Variants in MAX observed in about 807,000 individuals in gnomAD.
The protein encoded by MAX is protein max.
Under a neutral mutation model 22.3 loss-of-function variants are expected in MAX, and 3 were observed. That is an observed-to-expected ratio of 0.13 (90% CI 0.06 to 0.35). The LOEUF (loss-of-function observed/expected upper bound fraction) is 0.35, where lower values mean the gene tolerates loss of function less well. Among genes scored for constraint, MAX ranks in the 10% least tolerant of loss-of-function variants. The probability of loss-of-function intolerance (pLI) is 1.00; values close to 1 mark genes in which losing one functional copy is unlikely to be tolerated. For missense variants in MAX, 119 were observed against 209.4 expected, an observed-to-expected ratio of 0.57 and a Z score of 2.66; for synonymous variants, 72 against 77.7, an observed-to-expected ratio of 0.93 and a Z score of 0.39.
At chr14:65,015,779 G>T in intron 3 of MAX, 1 of 1,572,520 alleles carries the variant, frequency 6.4e-7, no homozygotes, top group Non-Finnish European at 8.7e-7. Flanking sequence ...TTGGGATTTT[G>T]TTTTGTTTCT....
At position 65,076,380 on chromosome 14, in the gene MAX, G is replaced by A. The variant is rs949792280; in HGVS notation, c.*96C>T. The A allele has an allele frequency of 2.5e-6, 4 of 1,581,496 alleles. No homozygotes were observed. The East Asian group carries it at 9.0e-5, about 36-fold the overall frequency. ...AAAGGGAGAAAGAGAAAAATAAAGAGTCTCTTAAATGGTTCTGAGGGCTCT... is the reference window on the plus strand; with the variant it reads ...AAAGGGAGAAAGAGAAAAATAAAGAATCTCTTAAATGGTTCTGAGGGCTCT... On this transcript the variant is annotated 3_prime_UTR_variant, in exon 5 of 5. Transcript: ENST00000358664. This position sits in a 1 kb window ranked among gnomAD's most constrained non-coding sequence, Gnocchi z 6.6.
chr14:65,059,857 A>C (rs1320197308), intron 3 of MAX, among the ~76,000 whole-genome samples: 6 of 133,516 alleles, frequency 4.5e-5, no homozygotes, highest in Non-Finnish European at 9.2e-5. Flanking sequence ...TTTTTTTGAG[A>C]CAGAGTCTCG....
intron 3 of MAX, among the ~76,000 whole-genome samples, chr14:65,086,885 C>T (rs1297797397): frequency 6.6e-6 from 1 of 152,214 alleles, no homozygotes; most frequent in Non-Finnish European, 1.5e-5. Flanking sequence ...CAGCTGTTCC[C>T]ATCACAGACC....
At chr14:65,018,809 T>TAAA (rs34066098) in intron 3 of MAX, among the ~76,000 whole-genome samples, 3 of 108,422 alleles carry the variant, frequency 2.8e-5, no homozygotes, top group Non-Finnish European at 5.5e-5. Flanking sequence ...GACTCTGTCT[T>TAAA]AAAAAAAAAA....
Position 65,044,211 on chromosome 14 carries a change from G to T in MAX, c.172-37927C>A. 1 of 1,585,204 alleles carries T rather than the reference G, an allele frequency of 6.3e-7. No individual in the cohort carries two copies. Among genetic ancestry groups the T allele is most frequent in the Non-Finnish European group, 8.6e-7 (1 of 1,167,964 alleles). ...CTAGAGTGCCAAGAAGCCACAAGAT[G>T]GGAAACCCTCCATCCCACAGATTGA... On this transcript the variant is annotated intron_variant, in intron 3 of 3. Transcript: ENST00000341653. The surrounding 1 kb of genome is among the most constrained non-coding windows in gnomAD (Gnocchi z 5.5).
Position 65,053,323 on chromosome 14 carries a change from G to T in MAX, c.171+40385C>A, listed in dbSNP as rs149471226. Reference sequence around the variant, plus strand: ...TCCTGATGTGCTGCCAGTGCCCTGCGGGGGGGCTTCTGGATAAACCTGGCA... The same window carrying T: ...TCCTGATGTGCTGCCAGTGCCCTGCTGGGGGGCTTCTGGATAAACCTGGCA... On this transcript the variant is annotated intron_variant, in intron 3 of 3. Transcript: ENST00000341653. 4.1e-4 allele frequency: 588 copies of T among 1,439,934 alleles called. 9 individuals carry two copies. The South Asian group carries it at 8.4e-3, about 20-fold the overall frequency. 89.2% of individuals were successfully genotyped at this position (1,439,934 alleles called of 1,614,324 possible).
intron 3 of MAX, among the ~76,000 whole-genome samples, chr14:65,083,408 A>C (rs2063247040): frequency 6.6e-6 from 1 of 152,260 alleles, no homozygotes; most frequent in East Asian, 1.9e-4. Flanking sequence ...ATGGTTCTCA[A>C]AAATTTTCAA....
rs1195384298 is a variant in MAX at position 65,033,552 on chromosome 14, A to C, written c.172-27268T>G. 2.0e-5 allele frequency among the ~76,000 whole-genome samples: 3 copies of C among 152,286 alleles called. No individual in the cohort carries two copies. The East Asian group carries it at 5.8e-4, about 29-fold the overall frequency. ...TGCTGTACTTTCCTGGATGCTCCAAATATTTCATAGTTTAAAAAAAGCAGG... is the reference window on the plus strand; with the variant it reads ...TGCTGTACTTTCCTGGATGCTCCAACTATTTCATAGTTTAAAAAAAGCAGG... On this transcript the variant is annotated intron_variant, in intron 3 of 3. Coordinates refer to the MAX transcript ENST00000341653.
intron 3 of MAX, chr14:65,015,600 G>A (rs747086804): frequency 8.7e-6 from 14 of 1,612,990 alleles, no homozygotes; most frequent in Admixed American, 1.7e-5. Flanking sequence ...AATAAGGGAT[G>A]TTTTCTCTCC....
chr14:65,056,978 G>C (rs961674647), intron 3 of MAX, among the ~76,000 whole-genome samples: 1 of 152,202 alleles, frequency 6.6e-6, no homozygotes, highest in Non-Finnish European at 1.5e-5. Context: ...CATGCAAACA[G>C]AGGAGAGCCT....
chr14:65,102,200 A>AGGC, intron 1 of MAX, 104 bp downstream of exon 1: 1 of 1,560,058 alleles, frequency 6.4e-7, no homozygotes, highest in Non-Finnish European at 8.7e-7. Context: ...AAGGGGAAGG[A>AGGC]GGCGGCGGCA....
In MAX at chr14:65,077,030, G is replaced by A. The variant is rs2063077737; in HGVS notation, c.296-367C>T. Reference sequence around the variant, plus strand: ...GCCCAGGAGCATGAGGCTCCACAAGGTGTGAGGCCACACAACAGCAGGAAA... The same window carrying A: ...GCCCAGGAGCATGAGGCTCCACAAGATGTGAGGCCACACAACAGCAGGAAA... On this transcript the variant is annotated intron_variant, in intron 4 of 4. Transcript: ENST00000358664. The surrounding 1 kb of genome is among the most constrained non-coding windows in gnomAD (Gnocchi z 6.3). The A allele has an allele frequency of 7.3e-6, 4 of 545,768 alleles. No individual in the cohort carries two copies. Among genetic ancestry groups the A allele is most frequent in the South Asian group, 4.2e-5 (2 of 48,028 alleles). 33.8% of individuals were successfully genotyped at this position (545,768 alleles called of 1,614,324 possible).
chr14:65,096,635 G>C (rs2063682904), intron 2 of MAX, among the ~76,000 whole-genome samples: 1 of 152,024 alleles, frequency 6.6e-6, no homozygotes, highest in Non-Finnish European at 1.5e-5. Context: ...CAAGATTTCA[G>C]AGTTGAAGAA....
intron 3 of MAX, among the ~76,000 whole-genome samples, chr14:65,068,646 G>A (rs988113925): frequency 6.6e-6 from 1 of 151,966 alleles, no homozygotes; most frequent in Non-Finnish European, 1.5e-5. Context: ...TGGCCTTTGG[G>A]AGCTTTCTCA....
chr14:65,102,520 A>G (rs1293991200), upstream of MAX: 4 of 1,459,862 alleles, frequency 2.7e-6, no homozygotes, highest in African/African-American at 5.6e-5. Context: ...TCCTCACTGC[A>G]GCACCGGATC....
intron 3 of MAX, among the ~76,000 whole-genome samples, chr14:65,008,133 G>C (rs2061624890): frequency 6.6e-6 from 1 of 152,092 alleles, no homozygotes; most frequent in African/African-American, 2.4e-5. Context: ...ACCTTTCCTC[G>C]ATTGCTTTAT....
rs570017996 is a variant in MAX at position 65,102,438 on chromosome 14, C to G, written c.-99G>C. The G allele has an allele frequency of 7.7e-6, 12 of 1,549,090 alleles. No individual in the cohort carries two copies. The highest frequency in any genetic ancestry group is 1.4e-5 in the African/African-American group (1 of 73,004). ...CGACAACAACAAGCCGAGTCCCCCC[C>G]ACACACACACTCACTCACTCACTCA... On this transcript the variant is annotated 5_prime_UTR_variant, in exon 1 of 5. Transcript: ENST00000358664.
At chr14:65,080,503 G>A (rs2063173775) in intron 3 of MAX, among the ~76,000 whole-genome samples, 1 of 152,210 alleles carries the variant, frequency 6.6e-6, no homozygotes, top group African/African-American at 2.4e-5. Context: ...AGAGGTGGTA[G>A]AGTGGCAAGG....
intron 3 of MAX, chr14:65,015,677 A>C: frequency 6.2e-7 from 1 of 1,614,098 alleles, no homozygotes; most frequent in Non-Finnish European, 8.5e-7. Context: ...CACAGCTTGG[A>C]ACTGCTAGAT....
Sources: allele counts gnomAD v4.1 joint callset (sites outside exome capture counted in the v4.1 genomes callset), GRCh38; gene constraint gnomAD v4.1.1; non-coding constraint Gnocchi (gnomAD v3.1); transcripts MANE v1.5; gene names NCBI Gene and HGNC (gene_info 2026-07-23, HGNC 2026-07-21).